The following DLG2 variants were observed in gnomAD, a reference collection of about 807,000 sequenced individuals.
The protein encoded by DLG2 is disks large homolog 2.
Under a neutral mutation model 132.5 loss-of-function variants are expected in DLG2, and 45 were observed. The ratio of observed to expected loss-of-function variants is 0.34; its 90% CI spans 0.27 to 0.44. The LOEUF (loss-of-function observed/expected upper bound fraction) is 0.44. Among genes scored for constraint, DLG2 ranks in the 20% least tolerant of loss-of-function variants. DLG2 has a pLI of 1.00. For missense variants in DLG2, 1,045 were observed against 1,196.9 expected, an observed-to-expected ratio of 0.87 and a Z score of 1.87; for synonymous variants, 424 against 419.6, an observed-to-expected ratio of 1.01 and a Z score of -0.13.
intron 7 of DLG2, chr11:84,316,784 T>C: frequency 3.9e-6 from 6 of 1,545,868 alleles, no homozygotes; most frequent in Non-Finnish European, 5.2e-6. Flanking sequence ...GCTCTCACTT[T>C]CTTCAGACAC....
intron 3 of DLG2, among the ~76,000 whole-genome samples, chr11:85,306,647 T>G (rs566289771): frequency 2.0e-5 from 3 of 152,312 alleles, no homozygotes; most frequent in African/African-American, 7.2e-5. Flanking sequence ...CTTGGCTCAC[T>G]GCAAGCTCCA....
intron 9 of DLG2, among the ~76,000 whole-genome samples, chr11:84,115,722 A>T (rs1407468439): frequency 6.6e-6 from 1 of 152,198 alleles, no homozygotes; most frequent in Non-Finnish European, 1.5e-5. Flanking sequence ...GCCTGCCCTG[A>T]TAGCAACAAA....
chr11:85,168,220 A>G (rs1013674310), intron 4 of DLG2, among the ~76,000 whole-genome samples: 1 of 152,170 alleles, frequency 6.6e-6, no homozygotes, highest in African/African-American at 2.4e-5. Flanking sequence ...AAACAAATAT[A>G]TACAAAAGTC....
chr11:83,886,692 T>A (rs986574101), intron 15 of DLG2, among the ~76,000 whole-genome samples: 2 of 151,222 alleles, frequency 1.3e-5, no homozygotes, highest in African/African-American at 4.9e-5. Flanking sequence ...GACCACATAC[T>A]TGGAAATAAA....
At chr11:83,921,534 C>G (rs947812209) in intron 15 of DLG2, among the ~76,000 whole-genome samples, 1 of 152,058 alleles carries the variant, frequency 6.6e-6, no homozygotes, top group African/African-American at 2.4e-5. Context: ...CGCATAGCAC[C>G]TAAGGGCACC....
intron 4 of DLG2, among the ~76,000 whole-genome samples, chr11:85,235,419 G>C (rs144453009): frequency 1.3e-5 from 2 of 151,722 alleles, no homozygotes; most frequent in East Asian, 3.9e-4. Context: ...AGCTATTCAC[G>C]CATTTCCTCA....
intron 3 of DLG2, among the ~76,000 whole-genome samples, chr11:85,352,431 T>C (rs2083367334): frequency 1.3e-5 from 2 of 152,222 alleles, no homozygotes; most frequent in Non-Finnish European, 2.9e-5. Context: ...TGATATTAGT[T>C]ATTTCTTGCC....
intron 4 of DLG2, among the ~76,000 whole-genome samples, chr11:85,245,841 A>T (rs2076108896): frequency 6.6e-6 from 1 of 151,912 alleles, no homozygotes; most frequent in African/African-American, 2.4e-5. Flanking sequence ...CTTTTCCTAA[A>T]ATGCATAAGG....
At chr11:85,537,450 T>A (rs1009997597) in intron 3 of DLG2, among the ~76,000 whole-genome samples, 5 of 152,130 alleles carry the variant, frequency 3.3e-5, no homozygotes, top group African/African-American at 1.2e-4. Context: ...GCAGGTTCAC[T>A]CCTGAAGCCA....
chr11:83,472,963 C>T (rs1465398557), intron 22 of DLG2, among the ~76,000 whole-genome samples, 186 bp from the exon 23 acceptor site: 1 of 152,142 alleles, frequency 6.6e-6, no homozygotes, highest in Non-Finnish European at 1.5e-5. Flanking sequence ...ATCAGATTTT[C>T]ACAGTCATAA....
At chr11:84,925,590 A>G (rs1383936247) in intron 6 of DLG2, among the ~76,000 whole-genome samples, 2 of 152,168 alleles carry the variant, frequency 1.3e-5, no homozygotes, top group Non-Finnish European at 2.9e-5. Flanking sequence ...TCCATATTTT[A>G]AGGCAAGGAA....
At chr11:84,765,301 T>C (rs1392642041) in intron 6 of DLG2, among the ~76,000 whole-genome samples, 1 of 152,042 alleles carries the variant, frequency 6.6e-6, no homozygotes, top group African/African-American at 2.4e-5. Flanking sequence ...AAAACTCATG[T>C]CCCTTTTTGT....
At chr11:85,463,531 C>G (rs2092683280) in intron 3 of DLG2, among the ~76,000 whole-genome samples, 1 of 152,174 alleles carries the variant, frequency 6.6e-6, no homozygotes, top group Admixed American at 6.5e-5. Context: ...GTAATCCCAG[C>G]TCTTTGGGAG....
intron 6 of DLG2, among the ~76,000 whole-genome samples, chr11:85,106,032 T>C (rs1289278645): frequency 6.6e-6 from 1 of 151,196 alleles, no homozygotes; most frequent in Non-Finnish European, 1.5e-5. Flanking sequence ...GCAGAATAGC[T>C]TATGCACACT....
At chr11:85,139,588 A>G (rs1298969294) in intron 5 of DLG2, among the ~76,000 whole-genome samples, 5 of 152,104 alleles carry the variant, frequency 3.3e-5, no homozygotes, top group Admixed American at 3.3e-4. Flanking sequence ...GAAGCAAATT[A>G]ACATATTTAT....
intron 18 of DLG2, among the ~76,000 whole-genome samples, chr11:83,688,446 T>C (rs2080226872): frequency 1.3e-5 from 2 of 152,168 alleles, no homozygotes; most frequent in South Asian, 4.1e-4. Context: ...TGAAGATTTA[T>C]GCATCCAGAA....
intron 6 of DLG2, among the ~76,000 whole-genome samples, chr11:84,656,319 C>A (rs748800495): frequency 1.3e-5 from 2 of 152,088 alleles, no homozygotes; most frequent in Non-Finnish European, 2.9e-5. Context: ...GACATCCATT[C>A]GATTCACTTG....
chr11:84,623,485 A>C (rs947610187), intron 6 of DLG2, among the ~76,000 whole-genome samples: 3 of 152,218 alleles, frequency 2.0e-5, no homozygotes, highest in Admixed American at 6.5e-5. Context: ...TATCATTGAA[A>C]GTATGGCAGA....
chr11:85,226,831 T>C (rs550331101), intron 4 of DLG2, among the ~76,000 whole-genome samples: 8 of 152,292 alleles, frequency 5.3e-5, no homozygotes, highest in Non-Finnish European at 1.2e-4. Context: ...CCTGCTCTTT[T>C]AGTGAAGGAG....
Sources: gnomAD v4.1 joint callset for allele counts (sites outside exome capture counted in the v4.1 genomes callset) on GRCh38, gnomAD v4.1.1 for gene constraint, MANE v1.5 for transcripts, NCBI Gene and HGNC (gene_info 2026-07-23, HGNC 2026-07-21) for gene names.